PCDH9: variants seen among roughly 807,000 people sequenced by gnomAD.
PCDH9 encodes protocadherin-9.
Under a neutral mutation model 70.6 loss-of-function variants are expected in PCDH9, and 24 were observed. The observed-to-expected ratio is 0.34, with a 90% CI of 0.25 to 0.48. PCDH9 has a LOEUF of 0.48. PCDH9 is among the 20% of genes least tolerant of loss of function. The probability of loss-of-function intolerance (pLI) is 0.99; values close to 1 mark genes in which losing one functional copy is unlikely to be tolerated. For missense variants in PCDH9, 1,281 were observed against 1,503.6 expected (o/e 0.85, Z 2.45); for synonymous variants, 562 against 558.5 (o/e 1.01, Z -0.09).
chr13:66,721,911 C>T lies in PCDH9; in HGVS notation c.3139-90500G>A, dbSNP rs987665633. On this transcript the variant is annotated intron_variant, in intron 3 of 4. Transcript: ENST00000377865. ...ATATCTCCCAGAACCTCCAATGACACGAGCATCCAATTTATAACTTCACTG... is the reference window on the plus strand; with the variant it reads ...ATATCTCCCAGAACCTCCAATGACATGAGCATCCAATTTATAACTTCACTG... 3.3e-5 allele frequency among the ~76,000 whole-genome samples: 5 copies of T among 152,150 alleles called. 1 individual carries two copies. The South Asian group carries it at 8.3e-4, about 25-fold the overall frequency.
intron 4 of PCDH9, among the ~76,000 whole-genome samples, chr13:66,387,829 G>A (rs1309665148): frequency 6.9e-6 from 1 of 145,210 alleles, no homozygotes; most frequent in Admixed American, 6.7e-5. Context: ...TTTTGACCAG[G>A]AGCTTCTCAA....
At chr13:66,329,361 A>T (rs1406575800) in intron 4 of PCDH9, among the ~76,000 whole-genome samples, 1 of 152,224 alleles carries the variant, frequency 6.6e-6, no homozygotes, top group African/African-American at 2.4e-5. Context: ...TTAAAAAGTT[A>T]GCATTAACAG....
chr13:66,951,624 C>T lies in PCDH9; in HGVS notation c.3037-48019G>A, dbSNP rs574810872. ...GTCTGAGCAAAATGTTCTCCCAGGG[C>T]CCATCGCTTCTAACAGAGTCACTAT... is the stretch of plus-strand genomic sequence containing the variant. On this transcript the variant is annotated intron_variant, in intron 2 of 4. Coordinates refer to ENST00000377865, the MANE Select transcript of PCDH9 (RefSeq NM_203487.3). Among the ~76,000 whole-genome samples, 9 of 152,204 alleles carry T rather than the reference C, an allele frequency of 5.9e-5. No individual in the cohort carries two copies. The East Asian group carries it at 1.2e-3, about 20-fold the overall frequency.
At chr13:66,719,056 A>T (rs1191640801) in intron 3 of PCDH9, among the ~76,000 whole-genome samples, 1 of 152,168 alleles carries the variant, frequency 6.6e-6, no homozygotes, top group East Asian at 1.9e-4. Context: ...ATATGGGCTA[A>T]TGTATTTCTT....
At chr13:66,869,118 A>G (rs1468082001) in intron 3 of PCDH9, among the ~76,000 whole-genome samples, 3 of 152,170 alleles carry the variant, frequency 2.0e-5, no homozygotes, top group African/African-American at 7.2e-5. Context: ...TTTCTCAGTC[A>G]GTCATGGTTC....
intron 2 of PCDH9, among the ~76,000 whole-genome samples, chr13:67,114,123 AATC>A (rs1286049395): frequency 6.6e-6 from 1 of 152,196 alleles, no homozygotes; most frequent in Non-Finnish European, 1.5e-5. Flanking sequence ...AGGCAGACAA[AATC>A]ATCAATTGAT....
chr13:66,795,347 G>A (rs1335910048), intron 3 of PCDH9, among the ~76,000 whole-genome samples: 1 of 152,036 alleles, frequency 6.6e-6, no homozygotes, highest in Non-Finnish European at 1.5e-5. Context: ...TTGGGATTTG[G>A]AATGCTCAAT....
At chr13:66,623,768 A>C (rs1019531560) in intron 4 of PCDH9, among the ~76,000 whole-genome samples, 1 of 152,204 alleles carries the variant, frequency 6.6e-6, no homozygotes, top group South Asian at 2.1e-4. Context: ...CAAATAACAA[A>C]ATTTCTGAAT....
chr13:66,630,941 C>A (rs2138933649), intron 4 of PCDH9, among the ~76,000 whole-genome samples: 2 of 152,192 alleles, frequency 1.3e-5, no homozygotes, highest in Middle Eastern at 3.4e-3. Flanking sequence ...ATCAGAATAT[C>A]TTGCAACAAA....
At chr13:66,989,679 T>C (rs1417723331) in intron 2 of PCDH9, among the ~76,000 whole-genome samples, 2 of 151,920 alleles carry the variant, frequency 1.3e-5, no homozygotes, top group Non-Finnish European at 2.9e-5. Context: ...TTGTGAATTA[T>C]TTTAGATATC....
chr13:66,323,931 A>G (rs1478507948), intron 4 of PCDH9, among the ~76,000 whole-genome samples: 1 of 151,968 alleles, frequency 6.6e-6, no homozygotes, highest in Non-Finnish European at 1.5e-5. Flanking sequence ...GACTATTGAA[A>G]CTGTCTCTCC....
intron 3 of PCDH9, among the ~76,000 whole-genome samples, chr13:66,816,876 T>G (rs2080614864): frequency 6.6e-6 from 1 of 151,104 alleles, no homozygotes; most frequent in Non-Finnish European, 1.5e-5. Context: ...TGGTAAGTGG[T>G]GGTGTGTTGA....
intron 4 of PCDH9, among the ~76,000 whole-genome samples, chr13:66,315,243 A>G (rs1371299988): frequency 1.3e-5 from 2 of 152,160 alleles, no homozygotes; most frequent in East Asian, 1.9e-4. Flanking sequence ...TCCAGATAAC[A>G]GTCTAGCTCA....
rs560598887 is a variant in PCDH9 at position 66,665,684 on chromosome 13, CT to C, written c.3139-34274del. Among the ~76,000 whole-genome samples the C allele has an allele frequency of 1.5e-4, 23 of 152,222 alleles. No individual in the cohort carries two copies. The South Asian group carries it at 4.6e-3, about 30-fold the overall frequency. Reference sequence around the variant, plus strand: ...GTAGTCTATTTTTTAATGTGGTCATCTTATGTTCTGTGCTGTGTCCTCTGCA... The same window carrying C: ...GTAGTCTATTTTTTAATGTGGTCATCTATGTTCTGTGCTGTGTCCTCTGCA... On this transcript the variant is annotated intron_variant, in intron 3 of 4. Coordinates refer to ENST00000377865, the MANE Select transcript of PCDH9 (RefSeq NM_203487.3).
intron 3 of PCDH9, among the ~76,000 whole-genome samples, chr13:66,638,732 A>G (rs1042326289): frequency 2.0e-5 from 3 of 152,194 alleles, no homozygotes; most frequent in African/African-American, 7.2e-5. Flanking sequence ...ACTGGAATTA[A>G]CGTATGAAAT....
chr13:66,369,806 C>T (rs920274222), intron 4 of PCDH9, among the ~76,000 whole-genome samples: 1 of 152,034 alleles, frequency 6.6e-6, no homozygotes, highest in African/African-American at 2.4e-5. Context: ...GATTGAAAGA[C>T]TGTTACTGGA....
Position 67,115,691 on chromosome 13 carries a change from GTTTT to G in PCDH9, c.3036+109710_3036+109713del, listed in dbSNP as rs1200590213. Among the ~76,000 whole-genome samples, 1,112 of 152,256 alleles carry G rather than the reference GTTTT, an allele frequency of 7.3e-3. 20 individuals carry two copies. Among genetic ancestry groups the G allele is most frequent in the African/African-American group, 0.025 (1,034 of 41,534 alleles). ...ATTATCCGCCTCTGGATATTGACCA[GTTTT>G]ACCAGTTGTTTATCCATTTGTAAAT... On this transcript the variant is annotated intron_variant, in intron 2 of 4. Transcript: ENST00000377865.
At chr13:66,782,503 T>A (rs1175849724) in intron 3 of PCDH9, among the ~76,000 whole-genome samples, 1 of 152,126 alleles carries the variant, frequency 6.6e-6, no homozygotes, top group Non-Finnish European at 1.5e-5. Context: ...ATATGTGCTC[T>A]AAGTGTAAAA....
At chr13:66,374,674 A>G (rs1956717951) in intron 4 of PCDH9, among the ~76,000 whole-genome samples, 1 of 152,044 alleles carries the variant, frequency 6.6e-6, no homozygotes, top group African/African-American at 2.4e-5. Flanking sequence ...AGCATTTTTC[A>G]TAATGCCACT....
Sources: gnomAD v4.1 joint callset for allele counts (sites outside exome capture counted in the v4.1 genomes callset) on GRCh38, gnomAD v4.1.1 for gene constraint, MANE v1.5 for transcripts, NCBI Gene and HGNC (gene_info 2026-07-23, HGNC 2026-07-21) for gene names.